The following KLHL32 variants were observed in gnomAD, a reference collection of about 807,000 sequenced individuals.
The protein encoded by KLHL32 is kelch like family member 32, also known as kelch-like protein 32.
KLHL32 carries 35 observed loss-of-function variants against 64.8 expected under a neutral mutation model. That is an observed-to-expected ratio of 0.54 (90% CI 0.41 to 0.72). The LOEUF (loss-of-function observed/expected upper bound fraction) is 0.72, where lower values mean the gene tolerates loss of function less well. Among genes scored for constraint, KLHL32 ranks in the 30% least tolerant of loss-of-function variants. The pLI, the probability that KLHL32 is intolerant of heterozygous loss-of-function variation, is 0.00. For missense variants in KLHL32, 589 were observed against 768.5 expected, an observed-to-expected ratio of 0.77 and a Z score of 2.76; for synonymous variants, 259 against 281.0, an observed-to-expected ratio of 0.92 and a Z score of 0.78.
At chr6:96,917,360 A>C in the KLHL32 span, among the ~76,000 whole-genome samples, 1 of 152,106 alleles carries the variant, frequency 6.6e-6, no homozygotes, top group Non-Finnish European at 1.5e-5. Context: ...CTGGAGACTC[A>C]TAACCTGTAG....
chr6:96,989,024 C>G (rs1238882814), intron 3 of KLHL32, among the ~76,000 whole-genome samples: 1 of 152,134 alleles, frequency 6.6e-6, no homozygotes, highest in African/African-American at 2.4e-5. Context: ...TTAATGGGTG[C>G]AGCACACCAG....
chr6:96,955,653 G>A (rs562468647), intron 1 of KLHL32, among the ~76,000 whole-genome samples: 1 of 152,188 alleles, frequency 6.6e-6, no homozygotes, highest in South Asian at 2.1e-4. Context: ...AGACATACCC[G>A]AGGCCAGGCA....
intron 3 of KLHL32, among the ~76,000 whole-genome samples, chr6:96,988,792 A>C (rs1777458760): frequency 6.6e-6 from 1 of 152,218 alleles, no homozygotes; most frequent in African/African-American, 2.4e-5. Context: ...GGATGAGTTC[A>C]TGTCCTTTGT....
intron 3 of KLHL32, among the ~76,000 whole-genome samples, chr6:97,015,254 T>C (rs944861484): frequency 1.3e-5 from 2 of 151,924 alleles, no homozygotes; most frequent in African/African-American, 4.8e-5. Context: ...CTGCAGAGAG[T>C]AGGGTACTGC....
chr6:97,102,052 A>G (rs943798618), intron 6 of KLHL32, among the ~76,000 whole-genome samples: 1 of 152,218 alleles, frequency 6.6e-6, no homozygotes, highest in Non-Finnish European at 1.5e-5. Flanking sequence ...GTAGAACCCT[A>G]TGACATAGGT....
At chr6:97,063,839 T>TA (rs1043791509) in intron 4 of KLHL32, among the ~76,000 whole-genome samples, 1 of 152,168 alleles carries the variant, frequency 6.6e-6, no homozygotes, top group Admixed American at 6.5e-5. Flanking sequence ...GGGGCATCAC[T>TA]AAAGGCCTCC....
chr6:96,934,840 T>C (rs1770386036), intron 1 of KLHL32, among the ~76,000 whole-genome samples: 1 of 152,226 alleles, frequency 6.6e-6, no homozygotes, highest in South Asian at 2.1e-4. Context: ...CCACTGTGGA[T>C]ATAATCTTAT....
chr6:96,979,216 G>A (rs1243304366), intron 3 of KLHL32, among the ~76,000 whole-genome samples: 1 of 152,086 alleles, frequency 6.6e-6, no homozygotes, highest in African/African-American at 2.4e-5. Context: ...ATATTTGTCA[G>A]GACCTATGTC....
At chr6:97,015,550 G>A (rs953341092) in intron 3 of KLHL32, among the ~76,000 whole-genome samples, 5 of 152,210 alleles carry the variant, frequency 3.3e-5, no homozygotes, top group Admixed American at 6.5e-5. Context: ...GAGACCTGTG[G>A]AACTCTGAAT....
At chr6:97,058,048 A>G (rs7757244) in intron 4 of KLHL32, among the ~76,000 whole-genome samples, 6,403 of 152,172 alleles carry the variant, frequency 0.042, 178 homozygotes, top group East Asian at 0.085. Flanking sequence ...ATGCTCTTTC[A>G]TTGACCATAT....
intron 3 of KLHL32, among the ~76,000 whole-genome samples, chr6:97,036,356 G>A (rs1784289892): frequency 6.6e-6 from 1 of 152,080 alleles, no homozygotes; most frequent in African/African-American, 2.4e-5. Context: ...CAATTCATAG[G>A]TCCCCATTTC....
intron 3 of KLHL32, among the ~76,000 whole-genome samples, chr6:97,038,545 C>T (rs914276169): frequency 6.6e-6 from 1 of 151,924 alleles, no homozygotes; most frequent in Non-Finnish European, 1.5e-5. Flanking sequence ...AAAGGGGAAC[C>T]CTAGTACACT....
chr6:97,093,605 A>G (rs1031242667), intron 6 of KLHL32, among the ~76,000 whole-genome samples: 1 of 152,194 alleles, frequency 6.6e-6, no homozygotes, highest in Non-Finnish European at 1.5e-5. Flanking sequence ...ACCAGTTTTC[A>G]TTTTCACCTG....
chr6:97,078,163 G>A (rs958818251), intron 5 of KLHL32, among the ~76,000 whole-genome samples: 1 of 152,192 alleles, frequency 6.6e-6, no homozygotes, highest in Non-Finnish European at 1.5e-5. Flanking sequence ...TTCTCAGGCT[G>A]TTTGGAATAG....
At chr6:97,103,007 A>G (rs1795931285) in intron 6 of KLHL32, among the ~76,000 whole-genome samples, 2 of 151,636 alleles carry the variant, frequency 1.3e-5, no homozygotes, top group Admixed American at 1.3e-4. Context: ...CACCATCATG[A>G]AGGTATATTT....
intron 1 of KLHL32, among the ~76,000 whole-genome samples, chr6:96,943,386 A>G (rs1285192186): frequency 1.4e-5 from 1 of 70,212 alleles, no homozygotes; most frequent in South Asian, 4.5e-4. Flanking sequence ...AAGAAGAAGT[A>G]AAAAAAAAAA....
intron 3 of KLHL32, among the ~76,000 whole-genome samples, chr6:97,018,731 A>T (rs1781585428): frequency 6.6e-6 from 1 of 152,236 alleles, no homozygotes; most frequent in Non-Finnish European, 1.5e-5. Context: ...ATTCAAGATG[A>T]ACAGAATTGG....
chr6:96,943,810 T>C (rs1284483226), intron 1 of KLHL32, among the ~76,000 whole-genome samples: 1 of 152,234 alleles, frequency 6.6e-6, no homozygotes, highest in Non-Finnish European at 1.5e-5. Context: ...AAGGGAAAAG[T>C]CATATCTGGC....
At chr6:96,984,997 G>T (rs1390508954) in intron 3 of KLHL32, among the ~76,000 whole-genome samples, 2 of 139,586 alleles carry the variant, frequency 1.4e-5, no homozygotes, top group African/African-American at 5.5e-5. Context: ...GCATGTTTTT[G>T]CAGTGGCTGG....
Sources: gnomAD v4.1 joint callset for allele counts (sites outside exome capture counted in the v4.1 genomes callset) on GRCh38, gnomAD v4.1.1 for gene constraint, MANE v1.5 for transcripts, NCBI Gene and HGNC (gene_info 2026-07-23, HGNC 2026-07-21) for gene names.